Variants in CNTNAP2 observed in about 807,000 individuals in gnomAD.
CNTNAP2 encodes contactin-associated protein-like 2.
CNTNAP2 carries 98 observed loss-of-function variants against 155.2 expected under a neutral mutation model. That is an observed-to-expected ratio of 0.63 (90% CI 0.54 to 0.75). The LOEUF (loss-of-function observed/expected upper bound fraction) is 0.75, where lower values mean the gene tolerates loss of function less well. CNTNAP2 is among the 30% of genes least tolerant of loss of function. The pLI is 0.00. For synonymous variants in CNTNAP2, 651 were observed against 631.2 expected (o/e 1.03, Z -0.47); for missense variants, 1,727 against 1,688.1 (o/e 1.02, Z -0.40).
chr7:147,816,471 T>C (rs901326983), intron 13 of CNTNAP2, among the ~76,000 whole-genome samples: 5 of 152,128 alleles, frequency 3.3e-5, no homozygotes, highest in Non-Finnish European at 7.3e-5. Context: ...CTTATGGAAA[T>C]GTAGGGTAAA....
In CNTNAP2 at chr7:146,735,705, A is replaced by G. The variant is rs531465012; in HGVS notation, c.98-38566A>G. Among the ~76,000 whole-genome samples the G allele has an allele frequency of 9.4e-4, 143 of 152,254 alleles. 3 individuals carry two copies. Among genetic ancestry groups the G allele is most frequent in the Middle Eastern group, 3.4e-3 (1 of 294 alleles). On this transcript the variant is annotated intron_variant, in intron 1 of 23. Coordinates refer to ENST00000361727, the MANE Select transcript of CNTNAP2 (RefSeq NM_014141.6). Reference sequence around the variant, plus strand: ...TGTATATGTATGTGCATATATATACATATGCATATATATGTGTAGAGAATA... The same window carrying G: ...TGTATATGTATGTGCATATATATACGTATGCATATATATGTGTAGAGAATA...
chr7:146,762,857 A>G (rs1412504445), intron 1 of CNTNAP2, among the ~76,000 whole-genome samples: 2 of 152,150 alleles, frequency 1.3e-5, no homozygotes, highest in South Asian at 2.1e-4. Context: ...AGACTTATTT[A>G]CTATCATAAG....
At chr7:147,912,519 C>T (rs889643640) in intron 14 of CNTNAP2, among the ~76,000 whole-genome samples, 10 of 152,150 alleles carry the variant, frequency 6.6e-5, no homozygotes, top group South Asian at 4.1e-4. Flanking sequence ...GCAGTGGAAA[C>T]GAAGCTATGG....
chr7:146,720,716 T>C (rs1801271599), intron 1 of CNTNAP2, among the ~76,000 whole-genome samples: 1 of 151,794 alleles, frequency 6.6e-6, no homozygotes, highest in Non-Finnish European at 1.5e-5. Flanking sequence ...AGATTGTATG[T>C]CTGTCTTTGG....
At chr7:146,352,931 T>G (rs1263778231) in intron 1 of CNTNAP2, among the ~76,000 whole-genome samples, 4 of 151,582 alleles carry the variant, frequency 2.6e-5, no homozygotes, top group Admixed American at 2.6e-4. Flanking sequence ...ATTTTTTGTA[T>G]TTTTAGTAGA....
intron 13 of CNTNAP2, among the ~76,000 whole-genome samples, chr7:147,821,771 C>T (rs1006598876): frequency 6.6e-6 from 1 of 151,808 alleles, no homozygotes; most frequent in Non-Finnish European, 1.5e-5. Context: ...AAAATTGCGG[C>T]GACAGGTAGG....
At chr7:146,758,161 T>C (rs1184858898) in intron 1 of CNTNAP2, among the ~76,000 whole-genome samples, 1 of 152,202 alleles carries the variant, frequency 6.6e-6, no homozygotes, top group African/African-American at 2.4e-5. Flanking sequence ...TTCAATCACT[T>C]TTTCTTAACA....
intron 21 of CNTNAP2, among the ~76,000 whole-genome samples, chr7:148,268,136 T>C (rs1245902441): frequency 6.6e-6 from 1 of 152,214 alleles, no homozygotes; most frequent in African/African-American, 2.4e-5. Context: ...TGGTGAAGTA[T>C]TTTAAAATAT....
intron 21 of CNTNAP2, among the ~76,000 whole-genome samples, chr7:148,361,914 C>T (rs1030949930): frequency 6.6e-5 from 10 of 152,130 alleles, no homozygotes; most frequent in African/African-American, 1.4e-4. Context: ...TCAGATCGGC[C>T]GGGCACGGTG....
chr7:148,219,965 A>G (rs1180238574), intron 19 of CNTNAP2, among the ~76,000 whole-genome samples: 1 of 152,234 alleles, frequency 6.6e-6, no homozygotes, highest in Admixed American at 6.5e-5. Flanking sequence ...CAGTAAATTA[A>G]ACTCCCTCTC....
chr7:146,772,150 C>T (rs904334227), intron 1 of CNTNAP2, among the ~76,000 whole-genome samples: 1 of 151,780 alleles, frequency 6.6e-6, no homozygotes, highest in Non-Finnish European at 1.5e-5. Flanking sequence ...AGAAAGACAA[C>T]AAAACAATTA....
intron 21 of CNTNAP2, among the ~76,000 whole-genome samples, chr7:148,280,267 G>GAGCAC (rs1796948865): frequency 3.3e-5 from 5 of 152,084 alleles, no homozygotes. Context: ...CCAAGATCAT[G>GAGCAC]CTACTGTACT....
intron 1 of CNTNAP2, among the ~76,000 whole-genome samples, chr7:146,387,791 G>A (rs1795482218): frequency 6.6e-6 from 1 of 151,818 alleles, no homozygotes; most frequent in African/African-American, 2.4e-5. Context: ...GCCTCCACCA[G>A]CTTCCTAAGA....
At chr7:148,300,745 T>C (rs1797371695) in intron 21 of CNTNAP2, among the ~76,000 whole-genome samples, 1 of 152,144 alleles carries the variant, frequency 6.6e-6, no homozygotes, top group Non-Finnish European at 1.5e-5. Flanking sequence ...AACATTGTGT[T>C]AAGGGAAATA....
At chr7:147,616,943 A>G (rs1004458270) in intron 12 of CNTNAP2, among the ~76,000 whole-genome samples, 1 of 152,114 alleles carries the variant, frequency 6.6e-6, no homozygotes, top group Non-Finnish European at 1.5e-5. Flanking sequence ...GTAATCTTTT[A>G]TCTCCACAAG....
chr7:147,514,431 CT>C (rs1232580390), intron 11 of CNTNAP2, among the ~76,000 whole-genome samples: 7 of 151,648 alleles, frequency 4.6e-5, no homozygotes, highest in Non-Finnish European at 1.0e-4. Flanking sequence ...TTACCATCTA[CT>C]TTAAAAGTCT....
chr7:147,391,238 G>T (rs1333351428), intron 9 of CNTNAP2, among the ~76,000 whole-genome samples: 1 of 152,140 alleles, frequency 6.6e-6, no homozygotes. Context: ...CAGCAGTTTT[G>T]CAATCCAGTC....
chr7:148,067,388 A>C (rs963833623), intron 15 of CNTNAP2, among the ~76,000 whole-genome samples: 1 of 152,168 alleles, frequency 6.6e-6, no homozygotes, highest in South Asian at 2.1e-4. Context: ...CTAGCCACCC[A>C]GTGGAGCTAC....
intron 18 of CNTNAP2, among the ~76,000 whole-genome samples, chr7:148,204,680 G>T (rs926899699): frequency 6.6e-6 from 1 of 152,282 alleles, no homozygotes; most frequent in East Asian, 1.9e-4. Flanking sequence ...AATAATCAGT[G>T]GTTCCTGGTA....
Sources: allele counts gnomAD v4.1 joint callset (sites outside exome capture counted in the v4.1 genomes callset), GRCh38; gene constraint gnomAD v4.1.1; transcripts MANE v1.5; gene names NCBI Gene and HGNC (gene_info 2026-07-23, HGNC 2026-07-21).